The following IRAG2 variants were observed in gnomAD, a reference collection of about 807,000 sequenced individuals.
IRAG2 encodes lymphoid restricted membrane protein.
Under a neutral mutation model 69.9 loss-of-function variants are expected in IRAG2, and 45 were observed. The ratio of observed to expected loss-of-function variants is 0.64; its 90% CI spans 0.51 to 0.83. The LOEUF is 0.83. Ranked by LOEUF, IRAG2 falls within the 40% of genes least tolerant of loss-of-function variation. The probability of loss-of-function intolerance (pLI) is 0.00; values close to 1 mark genes in which losing one functional copy is unlikely to be tolerated. For missense variants in IRAG2, 520 were observed against 587.0 expected (o/e 0.89, Z 1.18); for synonymous variants, 193 against 202.4 (o/e 0.95, Z 0.40).
At chr12:25,019,779 C>A (rs1402589482) in intron 6 of IRAG2, among the ~76,000 whole-genome samples, 2 of 152,182 alleles carry the variant, frequency 1.3e-5, no homozygotes, top group Middle Eastern at 3.2e-3. Flanking sequence ...TGTTTCCCTG[C>A]CTCCTGTTTA....
At position 25,107,026 on chromosome 12, in the gene IRAG2, C is replaced by T. The variant is rs754651749; in HGVS notation, c.1232C>T (p.Pro411Leu). The change falls in exon 21 of 22, where the codon CCA becomes CTA. Residue 411 changes from proline (P) to leucine (L), a missense_variant. Pro to Leu is a moderately conservative substitution (Grantham distance 98, BLOSUM62 -3). Transcript: ENST00000556887. ...AGTCTTTCTGAAAAGAAAAATAATC[C>T]ATCAAAGTGGGATGTCTCTTCAGTG... ...KPSLSEKKNN[P>L]SKWDVSSVYD... 1 of 1,599,886 alleles carries T rather than the reference C, an allele frequency of 6.3e-7. No individual in the cohort carries two copies. Among genetic ancestry groups the T allele is most frequent in the Non-Finnish European group, 8.5e-7 (1 of 1,170,612 alleles).
chr12:24,998,368 T>C, the IRAG2 span, among the ~76,000 whole-genome samples: 1 of 152,360 alleles, frequency 6.6e-6, no homozygotes, highest in South Asian at 2.1e-4. Context: ...AATCTGGTAC[T>C]TGTGGTTTGC....
At chr12:25,104,624 T>C (rs1948931454) in intron 20 of IRAG2, among the ~76,000 whole-genome samples, 162 bp downstream of exon 20, 1 of 152,214 alleles carries the variant, frequency 6.6e-6, no homozygotes, top group African/African-American at 2.4e-5. Flanking sequence ...GTGTTATTTG[T>C]GAATATTAAT....
chr12:25,080,508 C>T (rs942520335), intron 9 of IRAG2, among the ~76,000 whole-genome samples: 5 of 151,950 alleles, frequency 3.3e-5, no homozygotes, highest in African/African-American at 7.3e-5. Flanking sequence ...CCCGCCACCA[C>T]GCCCATCTAA....
chr12:25,073,758 G>A (rs1946479428), intron 6 of IRAG2, among the ~76,000 whole-genome samples: 1 of 141,032 alleles, frequency 7.1e-6, no homozygotes, highest in Non-Finnish European at 1.6e-5. Flanking sequence ...AGGAAAGAAG[G>A]AAACAAATTA....
chr12:25,047,673 C>T (rs1944806013), upstream of IRAG2, among the ~76,000 whole-genome samples: 1 of 152,088 alleles, frequency 6.6e-6, no homozygotes, highest in Admixed American at 6.6e-5. Context: ...CATGTGTTCT[C>T]ATCATTCAGC....
upstream of IRAG2, among the ~76,000 whole-genome samples, chr12:25,002,820 T>C (rs965471663): frequency 2.0e-5 from 3 of 152,104 alleles, no homozygotes; most frequent in South Asian, 2.1e-4. Context: ...TTTTGTATTT[T>C]TAGTAGAGAT....
At chr12:25,099,238 A>C (rs1948604313) in intron 15 of IRAG2, among the ~76,000 whole-genome samples, 1 of 152,122 alleles carries the variant, frequency 6.6e-6, no homozygotes. Context: ...GATAAACTCA[A>C]ACCTACCATT....
upstream of IRAG2, chr12:25,052,201 GGACT>G: frequency 2.1e-5 from 7 of 341,050 alleles, no homozygotes; most frequent in Admixed American, 1.3e-4. Context: ...CTTGCGGTTT[GGACT>G]TTTTTTTTTT....
At chr12:25,048,796 G>A (rs1944818166), upstream of IRAG2, among the ~76,000 whole-genome samples, 1 of 152,132 alleles carries the variant, frequency 6.6e-6, no homozygotes, top group South Asian at 2.1e-4. Flanking sequence ...TTTTGCTTTT[G>A]TTGCAATTGC....
intron 14 of IRAG2, chr12:25,093,659 T>A (rs1369510441): frequency 6.5e-6 from 1 of 153,804 alleles, no homozygotes; most frequent in Non-Finnish European, 1.5e-5. Flanking sequence ...GAATTCTTCA[T>A]TGGCATACAT....
chr12:25,084,508 G>A (rs2140135062), intron 10 of IRAG2, among the ~76,000 whole-genome samples: 1 of 151,680 alleles, frequency 6.6e-6, no homozygotes, highest in South Asian at 2.1e-4. Flanking sequence ...CTTATGTCTT[G>A]CTTATGTCTT....
chr12:25,062,656 T>G (rs922804836), intron 2 of IRAG2, among the ~76,000 whole-genome samples, 164 bp from the exon 3 acceptor site: 1 of 152,226 alleles, frequency 6.6e-6, no homozygotes, highest in Admixed American at 6.5e-5. Context: ...CAATGGGAGG[T>G]TTAAAATTAC....
chr12:25,025,073 T>G (rs1045401941), intron 8 of IRAG2, among the ~76,000 whole-genome samples: 6 of 152,248 alleles, frequency 3.9e-5, no homozygotes, highest in Non-Finnish European at 8.8e-5. Context: ...ATTCATTCAT[T>G]TTGTTCATTC....
intron 20 of IRAG2, among the ~76,000 whole-genome samples, chr12:25,105,319 G>A (rs1004459288): frequency 2.0e-5 from 3 of 151,874 alleles, no homozygotes; most frequent in African/African-American, 7.3e-5. Context: ...CTCGTGATCC[G>A]CCCGCCTCGG....
At chr12:25,041,595 G>A (rs369411314) in intron 16 of IRAG2, among the ~76,000 whole-genome samples, 37 of 151,418 alleles carry the variant, frequency 2.4e-4, no homozygotes, top group Admixed American at 3.3e-4. Context: ...TCCACCTCCC[G>A]AGTTCAAGTG....
intron 16 of IRAG2, among the ~76,000 whole-genome samples, chr12:25,041,887 G>A (rs74869218): frequency 7.1e-6 from 1 of 141,258 alleles, no homozygotes; most frequent in Non-Finnish European, 1.6e-5. Context: ...TTAAAAAAAA[G>A]ACATAAAATA....
chr12:25,054,383 G>T (rs1349192986), intron 1 of IRAG2, among the ~76,000 whole-genome samples: 1 of 152,114 alleles, frequency 6.6e-6, no homozygotes, highest in Non-Finnish European at 1.5e-5. Context: ...CTCCAGTTTT[G>T]CCTTTTGATT....
At chr12:25,088,626 T>G (rs1947810392) in intron 11 of IRAG2, among the ~76,000 whole-genome samples, 1 of 152,138 alleles carries the variant, frequency 6.6e-6, no homozygotes, top group Non-Finnish European at 1.5e-5. Flanking sequence ...TAACCTTAAG[T>G]CTCAATTTTC....
Sources: allele counts gnomAD v4.1 joint callset (sites outside exome capture counted in the v4.1 genomes callset), GRCh38; gene constraint gnomAD v4.1.1; transcripts MANE v1.5; gene names NCBI Gene and HGNC (gene_info 2026-07-23, HGNC 2026-07-21).